The following ARHGAP15 variants were observed in gnomAD, a reference collection of about 807,000 sequenced individuals.
ARHGAP15 encodes the protein rho GTPase-activating protein 15.
A neutral mutation model predicts 63.7 loss-of-function variants in ARHGAP15; 51 were observed. The observed-to-expected ratio is 0.80, with a 90% CI of 0.64 to 1.01. The LOEUF (loss-of-function observed/expected upper bound fraction) is 1.01. ARHGAP15 is among the 50% of genes least tolerant of loss of function. ARHGAP15 has a pLI of 0.00. For missense variants in ARHGAP15, 560 were observed against 564.6 expected, an observed-to-expected ratio of 0.99 and a Z score of 0.08; for synonymous variants, 191 against 193.8, an observed-to-expected ratio of 0.99 and a Z score of 0.12.
chr2:143,280,667 C>T (rs1681795820), intron 6 of ARHGAP15, among the ~76,000 whole-genome samples: 1 of 152,204 alleles, frequency 6.6e-6, no homozygotes, highest in South Asian at 2.1e-4. Flanking sequence ...TATTATCTGT[C>T]TATGGTGCCT....
At chr2:143,330,087 T>C (rs1684443530) in intron 6 of ARHGAP15, among the ~76,000 whole-genome samples, 3 of 28,762 alleles carry the variant, frequency 1.0e-4, no homozygotes, top group African/African-American at 2.0e-4. Context: ...AGAGCAAGGC[T>C]CTGTCTCAAA....
At chr2:143,614,326 C>G (rs1403959460) in intron 11 of ARHGAP15, among the ~76,000 whole-genome samples, 3 of 152,132 alleles carry the variant, frequency 2.0e-5, no homozygotes, top group Non-Finnish European at 2.9e-5. Context: ...TTCCTATATA[C>G]TATGAAATCT....
chr2:143,290,171 G>A (rs1180182804), intron 6 of ARHGAP15, among the ~76,000 whole-genome samples: 2 of 152,078 alleles, frequency 1.3e-5, no homozygotes, highest in Non-Finnish European at 2.9e-5. Context: ...TTTCCCAATA[G>A]CTATTTACGA....
chr2:143,370,137 T>C (rs1239880621), intron 6 of ARHGAP15, among the ~76,000 whole-genome samples: 1 of 152,098 alleles, frequency 6.6e-6, no homozygotes. Flanking sequence ...CCCTAAGGAA[T>C]GATAACACAA....
At chr2:143,670,036 T>A (rs1682436625) in intron 12 of ARHGAP15, among the ~76,000 whole-genome samples, 1 of 152,100 alleles carries the variant, frequency 6.6e-6, no homozygotes, top group Non-Finnish European at 1.5e-5. Flanking sequence ...GTGCTTAAGG[T>A]AAAGGCAGAC....
In ARHGAP15 at chr2:143,574,015, C is replaced by A. The variant is rs895358964; in HGVS notation, c.1003+17530C>A. Among the ~76,000 whole-genome samples the A allele has an allele frequency of 1.2e-4, 18 of 152,106 alleles. 1 individual carries two copies. The highest frequency in any genetic ancestry group is 8.5e-4 in the Admixed American group (13 of 15,260). On this transcript the variant is annotated intron_variant, in intron 11 of 13. Coordinates refer to ENST00000295095, the MANE Select transcript of ARHGAP15 (RefSeq NM_018460.4). ...TTACTTTCTTGAAAATGTGCATTAT[C>A]AGTGGAGGTTCTAACCAAGGATGGT...
chr2:143,364,723 T>C (rs1686220672), intron 6 of ARHGAP15, among the ~76,000 whole-genome samples: 1 of 152,154 alleles, frequency 6.6e-6, no homozygotes, highest in South Asian at 2.1e-4. Flanking sequence ...ACAGAGTACA[T>C]GTACTAATTT....
At chr2:143,597,331 A>G (rs1340446469) in intron 11 of ARHGAP15, among the ~76,000 whole-genome samples, 2 of 152,172 alleles carry the variant, frequency 1.3e-5, no homozygotes, top group East Asian at 3.8e-4. Flanking sequence ...TAGGATGCAT[A>G]ATATGTATAT....
intron 6 of ARHGAP15, among the ~76,000 whole-genome samples, chr2:143,353,290 T>TA (rs547331530): frequency 1.6e-3 from 243 of 152,182 alleles, no homozygotes; most frequent in African/African-American, 5.5e-3. Context: ...ATCCTGTCTC[T>TA]AAAAAAATTA....
chr2:143,166,957 G>C (rs1235742164), intron 2 of ARHGAP15, among the ~76,000 whole-genome samples: 7 of 151,800 alleles, frequency 4.6e-5, no homozygotes, highest in African/African-American at 1.7e-4. Context: ...TTCTTCCTTA[G>C]TCTTTTTTGA....
intron 6 of ARHGAP15, among the ~76,000 whole-genome samples, chr2:143,281,105 A>T (rs2105082584): frequency 6.6e-6 from 1 of 152,272 alleles, no homozygotes; most frequent in South Asian, 2.1e-4. Context: ...AGTAACAAAG[A>T]TTCCAGTCAC....
At chr2:143,476,740 C>T (rs1187071115) in intron 8 of ARHGAP15, among the ~76,000 whole-genome samples, 2 of 152,150 alleles carry the variant, frequency 1.3e-5, no homozygotes, top group African/African-American at 4.8e-5. Flanking sequence ...TGCAAGGAAT[C>T]AATATTTTGC....
chr2:143,272,744 G>GAGAGA (rs372268443), intron 6 of ARHGAP15, among the ~76,000 whole-genome samples: 1 of 152,280 alleles, frequency 6.6e-6, no homozygotes, highest in African/African-American at 2.4e-5. Flanking sequence ...CTCTCTCTTT[G>GAGAGA]AGAGAACTGC....
chr2:143,260,448 T>C (rs1680662597), intron 6 of ARHGAP15, among the ~76,000 whole-genome samples: 1 of 152,146 alleles, frequency 6.6e-6, no homozygotes, highest in Non-Finnish European at 1.5e-5. Flanking sequence ...TGAGTTAAAA[T>C]TGCCCCAGGA....
intron 12 of ARHGAP15, among the ~76,000 whole-genome samples, chr2:143,679,995 G>C (rs1489716042): frequency 7.7e-6 from 1 of 129,516 alleles, no homozygotes; most frequent in African/African-American, 3.2e-5. Context: ...GAGCCTGCAA[G>C]TGTTTCTGGT....
chr2:143,500,255 A>T (rs919725048), intron 9 of ARHGAP15, among the ~76,000 whole-genome samples: 40 of 148,278 alleles, frequency 2.7e-4, no homozygotes, highest in African/African-American at 4.0e-4. Context: ...TTTTATATAT[A>T]CTTTTTTAAT....
intron 10 of ARHGAP15, among the ~76,000 whole-genome samples, chr2:143,538,363 C>T (rs946618242): frequency 2.0e-5 from 3 of 152,222 alleles, no homozygotes; most frequent in Non-Finnish European, 4.4e-5. Flanking sequence ...TAATTAAATG[C>T]CCTTTATTTC....
chr2:143,362,739 A>T (rs1361308926), intron 6 of ARHGAP15, among the ~76,000 whole-genome samples: 2 of 152,208 alleles, frequency 1.3e-5, no homozygotes, highest in Non-Finnish European at 2.9e-5. Context: ...ACTTGGTTGT[A>T]CAAGGTAAAA....
intron 11 of ARHGAP15, among the ~76,000 whole-genome samples, chr2:143,584,337 G>A (rs185973391): frequency 1.3e-5 from 2 of 152,164 alleles, no homozygotes; most frequent in East Asian, 1.9e-4. Context: ...TTAGAAATCC[G>A]ACAATAGGCC....
Sources: allele counts gnomAD v4.1 joint callset (sites outside exome capture counted in the v4.1 genomes callset), GRCh38; gene constraint gnomAD v4.1.1; transcripts MANE v1.5; gene names NCBI Gene and HGNC (gene_info 2026-07-23, HGNC 2026-07-21).